The following PGM3 variants were observed in gnomAD, a reference collection of about 807,000 sequenced individuals.
PGM3 encodes phosphoglucomutase 3.
PGM3 carries 40 observed loss-of-function variants against 66.2 expected under a neutral mutation model. The ratio of observed to expected loss-of-function variants is 0.60; its 90% CI spans 0.47 to 0.79. The LOEUF is 0.79. Among genes scored for constraint, PGM3 ranks in the 30% least tolerant of loss-of-function variants. The probability of loss-of-function intolerance (pLI) is 0.00; values close to 1 mark genes in which losing one functional copy is unlikely to be tolerated. For synonymous variants in PGM3, 191 were observed against 224.2 expected, an observed-to-expected ratio of 0.85 and a Z score of 1.32; for missense variants, 537 against 643.4, an observed-to-expected ratio of 0.83 and a Z score of 1.79.
chr6:83,148,736 G>A, the PGM3 span: 267 of 1,454,450 alleles, frequency 1.8e-4, 5 homozygotes, highest in South Asian at 2.8e-3. Context: ...TGTGGCTTTT[G>A]TATAAACTAT....
At chr6:83,180,595 G>A (rs758869759) in intron 6 of PGM3, among the ~76,000 whole-genome samples, 3 of 152,138 alleles carry the variant, frequency 2.0e-5, no homozygotes, top group Non-Finnish European at 4.4e-5. Context: ...TGTCAGGAAT[G>A]GGATCATAAG....
downstream of PGM3, chr6:83,158,698 G>A (rs2273460): frequency 1.3e-4 from 126 of 967,330 alleles, no homozygotes; most frequent in East Asian, 3.2e-3. Flanking sequence ...TCAGCATCTA[G>A]GAGAATATAG....
intron 1 of PGM3, among the ~76,000 whole-genome samples, chr6:83,192,773 C>A (rs1398005629): frequency 1.3e-5 from 2 of 152,136 alleles, no homozygotes; most frequent in Non-Finnish European, 2.9e-5. Context: ...ACTTTCAATG[C>A]CTCTGCGAAT....
chr6:83,181,082 C>T (rs147615668), intron 6 of PGM3, among the ~76,000 whole-genome samples: 1 of 152,230 alleles, frequency 6.6e-6, no homozygotes, highest in East Asian at 1.9e-4. Context: ...TCAGGTTTGG[C>T]CTAAGCAAAT....
At chr6:83,151,626 T>G in the PGM3 span, 1 of 1,609,266 alleles carries the variant, frequency 6.2e-7, no homozygotes, top group Non-Finnish European at 8.5e-7. Flanking sequence ...AAAACCCTAG[T>G]TTGGAAAATA....
chr6:83,170,512 T>C (rs369681936), intron 11 of PGM3, 34 bp from the exon 12 acceptor site: 1 of 1,557,246 alleles, frequency 6.4e-7, no homozygotes. Flanking sequence ...GTTACTCTAT[T>C]ACACTTCCTT....
chr6:83,164,601 T>C, downstream of PGM3: 1 of 1,493,676 alleles, frequency 6.7e-7, no homozygotes, highest in Non-Finnish European at 9.1e-7. Flanking sequence ...AAGGTCTTCA[T>C]GGCCAAGCAT....
At chr6:83,175,785 T>C (rs1319385377) in intron 9 of PGM3, among the ~76,000 whole-genome samples, 177 bp downstream of exon 9, 1 of 152,202 alleles carries the variant, frequency 6.6e-6, no homozygotes, top group Non-Finnish European at 1.5e-5. Context: ...ATCATTACCA[T>C]GTAAAAGAGA....
At chr6:83,179,696 C>T in intron 7 of PGM3, 114 bp downstream of exon 7, 2 of 759,880 alleles carry the variant, frequency 2.6e-6, no homozygotes, top group Non-Finnish European at 4.1e-6. Context: ...ATTTTCTGCC[C>T]ACTAATGTAA....
chr6:83,169,835 T>C (rs906813509), intron 12 of PGM3: 1 of 456,884 alleles, frequency 2.2e-6, no homozygotes, highest in African/African-American at 2.0e-5. Context: ...ACCACAAGTC[T>C]TGACCCCTGT....
chr6:83,172,284 C>CAGCTA (rs1787288822), intron 10 of PGM3, among the ~76,000 whole-genome samples: 1 of 152,140 alleles, frequency 6.6e-6, no homozygotes, highest in African/African-American at 2.4e-5. Flanking sequence ...CCTACAGTCC[C>CAGCTA]AGCTACTCAG....
At chr6:83,175,033 C>CT (rs971364719) in intron 9 of PGM3, among the ~76,000 whole-genome samples, 2 of 152,142 alleles carry the variant, frequency 1.3e-5, no homozygotes, top group Non-Finnish European at 2.9e-5. Context: ...AAATACTCAT[C>CT]TTTTTTACTG....
In PGM3 at chr6:83,164,908, G is replaced by A. The variant is rs569446039; in HGVS notation, c.*4326C>T. 2.1e-5 allele frequency: 12 copies of A among 563,954 alleles called. No homozygotes were observed. The East Asian group carries it at 3.6e-4, about 17-fold the overall frequency. The allele number at this position is 563,954 out of a possible 1,614,324, so 34.9% of individuals were successfully genotyped here. A position where few individuals can be genotyped will look rare whatever the true frequency, so the allele number is the denominator to read the frequency against. On this transcript the variant is annotated 3_prime_UTR_variant, in exon 13 of 13. Coordinates refer to ENST00000513973, the MANE Select transcript of PGM3 (RefSeq NM_015599.3). ...AACATTTGACTTTATTTAATATTGA[G>A]ACAATACATATAGTTCTGATTAAGA...
chr6:83,153,154 G>T, the PGM3 span, among the ~76,000 whole-genome samples: 2 of 151,010 alleles, frequency 1.3e-5, no homozygotes, highest in Non-Finnish European at 3.0e-5. Context: ...TCAATTGTTT[G>T]TTTTTTTTTC....
chr6:83,179,866 C>CAAGA lies in PGM3; in HGVS notation c.888_889insTCTT (p.Asp297SerfsTer2). ...ATTAACGTTGCTATCTTGTCTCCAT[C>CAAGA]TATGAGATGAAAGTGGCCATCTGCA... On this transcript the variant is annotated frameshift_variant, in exon 7 of 13. Coordinates refer to ENST00000513973, the MANE Select transcript of PGM3 (RefSeq NM_015599.3). LOFTEE classifies it high-confidence loss of function. The CAAGA allele has an allele frequency of 1.2e-6, 2 of 1,613,584 alleles. No individual in the cohort carries two copies. The highest frequency in any genetic ancestry group is 1.7e-6 in the Non-Finnish European group (2 of 1,179,662).
intron 8 of PGM3, 139 bp downstream of exon 8, chr6:83,178,530 CTTAT>C (rs564430464): frequency 4.8e-4 from 288 of 599,488 alleles, no homozygotes; most frequent in Non-Finnish European, 7.7e-4. Flanking sequence ...TAAATTTTTT[CTTAT>C]TTATTTCTCT....
chr6:83,161,428 AAAGTAT>A (rs1437959009), downstream of PGM3, among the ~76,000 whole-genome samples: 1 of 152,190 alleles, frequency 6.6e-6, no homozygotes, highest in Non-Finnish European at 1.5e-5. Flanking sequence ...TATAAATTTA[AAAGTAT>A]CCATGTAACT....
chr6:83,166,543 G>A lies in PGM3; in HGVS notation c.*2691C>T. The A allele has an allele frequency of 1.6e-6, 1 of 636,946 alleles. No individual in the cohort carries two copies. The highest frequency in any genetic ancestry group is 2.8e-6 in the Non-Finnish European group (1 of 356,702). The allele number at this position is 636,946 out of a possible 1,614,324, so 39.5% of individuals were successfully genotyped here. A position where few individuals can be genotyped will look rare whatever the true frequency, so the allele number is the denominator to read the frequency against. On this transcript the variant is annotated 3_prime_UTR_variant, in exon 13 of 13. Coordinates refer to ENST00000513973, the MANE Select transcript of PGM3 (RefSeq NM_015599.3). Reference sequence around the variant, plus strand: ...CCATAGTCTAAAATAAATATAAACAGCAATAAGTCATTAGCAAAAAAAAAG... The same window carrying A: ...CCATAGTCTAAAATAAATATAAACAACAATAAGTCATTAGCAAAAAAAAAG...
downstream of PGM3, among the ~76,000 whole-genome samples, chr6:83,156,601 C>A (rs186377470): frequency 1.3e-5 from 2 of 152,122 alleles, no homozygotes; most frequent in African/African-American, 4.8e-5. Context: ...CGTGTCATCA[C>A]CCTGTACCAC....
Sources: gnomAD v4.1 joint callset for allele counts (sites outside exome capture counted in the v4.1 genomes callset) on GRCh38, gnomAD v4.1.1 for gene constraint, MANE v1.5 for transcripts, NCBI Gene and HGNC (gene_info 2026-07-23, HGNC 2026-07-21) for gene names.